Variants in MME observed in about 807,000 individuals in gnomAD.
MME encodes neprilysin.
In MME, 98 loss-of-function variants were observed where a neutral mutation model predicts 113.2. That is an observed-to-expected ratio of 0.87 (90% CI 0.74 to 1.02). The LOEUF (loss-of-function observed/expected upper bound fraction) is 1.02. Ranked by LOEUF, MME falls within the 50% of genes least tolerant of loss-of-function variation. MME has a pLI of 0.00. For synonymous variants in MME, 292 were observed against 300.6 expected (o/e 0.97, Z 0.30); for missense variants, 836 against 896.0 (o/e 0.93, Z 0.86).
chr3:155,116,210 A>G (rs1032741593), intron 4 of MME, among the ~76,000 whole-genome samples: 199 of 145,854 alleles, frequency 1.4e-3, no homozygotes, highest in Middle Eastern at 3.7e-3. Context: ...AAAAAAAAAA[A>G]GATAATCTAG....
chr3:155,161,296 C>T (rs967024198), intron 17 of MME, among the ~76,000 whole-genome samples: 3 of 152,018 alleles, frequency 2.0e-5, no homozygotes, highest in African/African-American at 7.2e-5. Context: ...GAGCAAGCTT[C>T]TGCAGGTGCA....
chr3:155,114,272 T>C (rs1469954195), intron 3 of MME, among the ~76,000 whole-genome samples: 1 of 152,160 alleles, frequency 6.6e-6, no homozygotes, highest in Non-Finnish European at 1.5e-5. Context: ...TAATTCCTAT[T>C]TTATACATCT....
At chr3:155,034,945 C>G (rs1054901859) in intron 1 of MME, among the ~76,000 whole-genome samples, 1 of 152,130 alleles carries the variant, frequency 6.6e-6, no homozygotes, top group Non-Finnish European at 1.5e-5. Context: ...TGGCGAAGTA[C>G]ATTGGTTCAG....
intron 1 of MME, among the ~76,000 whole-genome samples, chr3:155,073,672 G>A (rs1714653302): frequency 6.6e-6 from 1 of 152,048 alleles, no homozygotes; most frequent in Admixed American, 6.6e-5. Context: ...TATCAAGCCA[G>A]ATAATAAATG....
intron 1 of MME, among the ~76,000 whole-genome samples, chr3:155,027,495 T>A (rs1444849744): frequency 6.6e-6 from 1 of 152,236 alleles, no homozygotes; most frequent in Non-Finnish European, 1.5e-5. Flanking sequence ...TTCCCTGCCC[T>A]CAGCACATAC....
At chr3:155,106,969 A>C (rs1374891321) in intron 3 of MME, among the ~76,000 whole-genome samples, 2 of 152,240 alleles carry the variant, frequency 1.3e-5, no homozygotes, top group African/African-American at 2.4e-5. Flanking sequence ...GGGGTTAGGA[A>C]GCTGAGAGCT....
upstream of MME, among the ~76,000 whole-genome samples, chr3:155,077,225 G>A (rs1217685131): frequency 6.6e-6 from 1 of 152,078 alleles, no homozygotes; most frequent in Non-Finnish European, 1.5e-5. Flanking sequence ...ATGCACTATA[G>A]CATTTTTAAA....
intron 16 of MME, among the ~76,000 whole-genome samples, chr3:155,153,135 T>G (rs892699626): frequency 1.3e-5 from 2 of 151,716 alleles, no homozygotes; most frequent in Non-Finnish European, 2.9e-5. Flanking sequence ...CAAGCGATTC[T>G]CCTGCCCCAG....
chr3:155,103,384 T>TATCA, intron 3 of MME, among the ~76,000 whole-genome samples: 1 of 151,950 alleles, frequency 6.6e-6, no homozygotes, highest in Non-Finnish European at 1.5e-5. Context: ...GTCCTGCTTA[T>TATCA]GTCAGATTTC....
intron 1 of MME, among the ~76,000 whole-genome samples, chr3:155,044,814 G>T (rs1209386028): frequency 6.6e-6 from 1 of 152,120 alleles, no homozygotes; most frequent in Non-Finnish European, 1.5e-5. Flanking sequence ...AAATATAGTT[G>T]CATTCTTAGG....
At chr3:155,100,132 A>T (rs1231889973) in intron 3 of MME, among the ~76,000 whole-genome samples, 2 of 152,246 alleles carry the variant, frequency 1.3e-5, no homozygotes, top group African/African-American at 2.4e-5. Context: ...GAATGGGAGA[A>T]AAGTTTTGCA....
chr3:155,057,180 T>C (rs1432881748), intron 1 of MME, among the ~76,000 whole-genome samples: 2 of 151,520 alleles, frequency 1.3e-5, no homozygotes, highest in African/African-American at 4.9e-5. Flanking sequence ...TGGGAGAAAA[T>C]TTTCGCAACC....
chr3:155,070,127 T>C (rs1281758976), intron 1 of MME, among the ~76,000 whole-genome samples: 1 of 152,242 alleles, frequency 6.6e-6, no homozygotes, highest in East Asian at 1.9e-4. Context: ...TTTTTGGAGC[T>C]ATTTTTCAAT....
At chr3:155,171,934 T>G (rs1712015927) in intron 20 of MME, among the ~76,000 whole-genome samples, 183 bp from the exon 21 acceptor site, 1 of 152,206 alleles carries the variant, frequency 6.6e-6, no homozygotes, top group African/African-American at 2.4e-5. Flanking sequence ...TTCAAAGCAT[T>G]TGTAAATAAA....
chr3:155,104,377 G>A lies in MME; in HGVS notation c.197-10617G>A, dbSNP rs182493992. Among the ~76,000 whole-genome samples, 316 of 152,242 alleles carry A rather than the reference G, an allele frequency of 2.1e-3. 2 individuals are homozygous for A. Among genetic ancestry groups the A allele is most frequent in the African/African-American group, 7.3e-3 (304 of 41,534 alleles). ...AACATATGGAGCCAAATACTGCCTT[G>A]TGCCAATCAAATGTTTGGTTTATTA... On this transcript the variant is annotated intron_variant, in intron 3 of 22. Transcript: ENST00000360490.
At chr3:155,084,050 T>C (rs2108166054) in intron 1 of MME, 108 bp from the exon 2 acceptor site, 1 of 1,055,698 alleles carries the variant, frequency 9.5e-7, no homozygotes, top group East Asian at 2.6e-5. Flanking sequence ...AATGTATTTC[T>C]ATTTTAAAAT....
intron 3 of MME, among the ~76,000 whole-genome samples, chr3:155,104,347 A>T (rs1415410472): frequency 6.6e-6 from 1 of 152,220 alleles, no homozygotes; most frequent in African/African-American, 2.4e-5. Flanking sequence ...TCCGTAAAAA[A>T]TATAAACATA....
chr3:155,077,147 A>G (rs1221002544), upstream of MME, among the ~76,000 whole-genome samples: 4 of 152,118 alleles, frequency 2.6e-5, no homozygotes, highest in Non-Finnish European at 2.9e-5. Flanking sequence ...TGCCTCTGAC[A>G]GCTCTCTTTG....
chr3:155,102,187 G>A (rs1289237075), intron 3 of MME, among the ~76,000 whole-genome samples: 5 of 152,140 alleles, frequency 3.3e-5, no homozygotes, highest in Non-Finnish European at 5.9e-5. Context: ...TTAAGATTCC[G>A]ATACAGTGCA....
Sources: gnomAD v4.1 joint callset for allele counts (sites outside exome capture counted in the v4.1 genomes callset) on GRCh38, gnomAD v4.1.1 for gene constraint, MANE v1.5 for transcripts, NCBI Gene and HGNC (gene_info 2026-07-23, HGNC 2026-07-21) for gene names.